Variants in ARSK observed in about 807,000 individuals in gnomAD.
ARSK encodes the protein arylsulfatase K.
Under a neutral mutation model 53.2 loss-of-function variants are expected in ARSK, and 37 were observed. The observed-to-expected ratio is 0.70, with a 90% confidence interval of 0.54 to 0.92. The LOEUF is 0.92. ARSK is among the 40% of genes least tolerant of loss of function. ARSK has a pLI of 0.00. For missense variants in ARSK, 613 were observed against 643.0 expected, an observed-to-expected ratio of 0.95 and a Z score of 0.51; for synonymous variants, 208 against 223.2, an observed-to-expected ratio of 0.93 and a Z score of 0.61.
chr5:95,586,351 A>G (rs1012912408), intron 4 of ARSK, among the ~76,000 whole-genome samples: 3 of 152,184 alleles, frequency 2.0e-5, no homozygotes, highest in Admixed American at 6.6e-5. Context: ...CATGATATAT[A>G]TACACATATT....
At chr5:95,600,113 T>C (rs1479947502) in intron 6 of ARSK, among the ~76,000 whole-genome samples, 1 of 152,224 alleles carries the variant, frequency 6.6e-6, no homozygotes, top group Non-Finnish European at 1.5e-5. Context: ...ACATTTCTCA[T>C]GCTGTTGTTC....
At chr5:95,574,828 G>A (rs370637203) in intron 3 of ARSK, among the ~76,000 whole-genome samples, 3 of 151,622 alleles carry the variant, frequency 2.0e-5, no homozygotes, top group Admixed American at 1.3e-4. Flanking sequence ...CCCCTTGTTG[G>A]GCAGAAGCTT....
chr5:95,558,086 CA>C (rs2112407521), intron 1 of ARSK, among the ~76,000 whole-genome samples: 1 of 152,278 alleles, frequency 6.6e-6, no homozygotes, highest in South Asian at 2.1e-4. Flanking sequence ...GGTATCTCAC[CA>C]AAAGGGACAG....
chr5:95,597,645 G>C (rs890243104), intron 6 of ARSK, among the ~76,000 whole-genome samples: 1 of 152,214 alleles, frequency 6.6e-6, no homozygotes, highest in Non-Finnish European at 1.5e-5. Flanking sequence ...TGTAATCCCA[G>C]CACTTTGGGA....
intron 3 of ARSK, among the ~76,000 whole-genome samples, chr5:95,568,547 T>C (rs1265786109): frequency 1.3e-5 from 2 of 152,240 alleles, no homozygotes; most frequent in African/African-American, 4.8e-5. Flanking sequence ...TGTTTACTAC[T>C]AGCATTGTAG....
intron 1 of ARSK, among the ~76,000 whole-genome samples, chr5:95,560,486 G>A (rs970626163): frequency 6.6e-6 from 1 of 152,040 alleles, no homozygotes; most frequent in Non-Finnish European, 1.5e-5. Context: ...ATTGGCTTAA[G>A]GATAGGTGAC....
rs1749467956 is a variant in ARSK, at chr5:95,604,513, C to G, written c.*987C>G. The G allele has an allele frequency of 6.6e-6, 1 of 152,014 alleles. No individual in the cohort carries two copies. The highest frequency in any genetic ancestry group is 6.6e-5 in the Admixed American group (1 of 15,264). The allele number at this position is 152,014 out of a possible 1,614,324, so 9.4% of individuals were successfully genotyped here. ...TACACAAACGGTAACATACTGCACA[C>G]ATTGTTCTGCATGTTGCTTCTTTTT... On this transcript the variant is annotated 3_prime_UTR_variant, in exon 8 of 8. Transcript: ENST00000380009.
Position 95,586,551 on chromosome 5 carries a change from C to T in ARSK, c.700-11C>T, listed in dbSNP as rs776006399. The T allele has an allele frequency of 6.3e-7, 1 of 1,598,560 alleles. No individual in the cohort carries two copies. Among genetic ancestry groups the T allele is most frequent in the East Asian group, 2.3e-5 (1 of 44,406 alleles). On this transcript the variant is annotated splice_polypyrimidine_tract_variant and intron_variant, in intron 4 of 7. Coordinates refer to ENST00000380009, the MANE Select transcript of ARSK (RefSeq NM_198150.3). ...TTGCTAGCATAACTAAGTTTTTTCT[C>T]CCCTTTTTAGGTGTCTCATGATGCC... is the stretch of plus-strand genomic sequence containing the variant.
chr5:95,567,101 A>G (rs1415388115), intron 2 of ARSK, among the ~76,000 whole-genome samples: 1 of 152,190 alleles, frequency 6.6e-6, no homozygotes, highest in Non-Finnish European at 1.5e-5. Context: ...ATTGCTGTGT[A>G]TACTGTGTAC....
At chr5:95,573,147 C>A (rs1748864494) in intron 3 of ARSK, among the ~76,000 whole-genome samples, 1 of 152,172 alleles carries the variant, frequency 6.6e-6, no homozygotes, top group Non-Finnish European at 1.5e-5. Context: ...GAATGTCACA[C>A]TTAAAATAAT....
chr5:95,596,952 G>T (rs1295831537), intron 6 of ARSK, among the ~76,000 whole-genome samples: 21 of 152,010 alleles, frequency 1.4e-4, no homozygotes, highest in African/African-American at 5.1e-4. Context: ...TCACTAGTGT[G>T]ATAGGATACT....
Position 95,583,074 on chromosome 5 carries a change from T to C in ARSK, c.575T>C (p.Ile192Thr). 1 of 1,613,770 alleles carries C rather than the reference T, an allele frequency of 6.2e-7. No individual in the cohort carries two copies. The highest frequency in any genetic ancestry group is 8.5e-7 in the Non-Finnish European group (1 of 1,179,718). Residue 192 changes from isoleucine to threonine, a missense_variant, in exon 4 of 8, where the codon ATT becomes ACT. Ile to Thr is a moderately conservative substitution (Grantham distance 89, BLOSUM62 -1). Transcript: ENST00000380009. Reference protein sequence around the residue: ...KAVNWLRKEAINYTEPFVIYL... With the variant: ...KAVNWLRKEATNYTEPFVIYL... The stretch of plus-strand genomic sequence containing the variant: ...GTAAACTGGTTAAGAAAGGAAGCAA[T>C]TAATTACACTGAACCATTTGTTATT...
chr5:95,589,051 C>T (rs1277937231), intron 5 of ARSK, among the ~76,000 whole-genome samples: 1 of 152,150 alleles, frequency 6.6e-6, no homozygotes, highest in African/African-American at 2.4e-5. Context: ...CCTGGAACAC[C>T]CTTCCCTTTG....
In ARSK at chr5:95,564,343, A is replaced by G. The variant is rs144367454; in HGVS notation, c.127-1655A>G. Among the ~76,000 whole-genome samples, 51 of 152,282 alleles carry G rather than the reference A, an allele frequency of 3.3e-4. 1 individual carries two copies. Among genetic ancestry groups the G allele is most frequent in the Middle Eastern group, 3.4e-3 (1 of 294 alleles). On this transcript the variant is annotated intron_variant, in intron 1 of 7. Transcript: ENST00000380009. ...GGAAATCAGTAGTTATTTGCTTAGC[A>G]TTCAATGATTACTCTTGCTAGAAGT...
At chr5:95,573,759 A>G (rs1390155252) in intron 3 of ARSK, among the ~76,000 whole-genome samples, 5 of 152,248 alleles carry the variant, frequency 3.3e-5, no homozygotes, top group African/African-American at 1.2e-4. Flanking sequence ...TAGTAAGTAT[A>G]TAGACTTAGG....
At chr5:95,593,342 T>A (rs1452503675) in intron 6 of ARSK, among the ~76,000 whole-genome samples, 1 of 152,220 alleles carries the variant, frequency 6.6e-6, no homozygotes, top group African/African-American at 2.4e-5. Context: ...GTTGCCATTT[T>A]ATCTATTTGA....
chr5:95,568,542 A>T (rs1297656009), intron 3 of ARSK, among the ~76,000 whole-genome samples: 1 of 152,196 alleles, frequency 6.6e-6, no homozygotes, highest in African/African-American at 2.4e-5. Flanking sequence ...GTTTCTGTTT[A>T]CTACTAGCAT....
chr5:95,559,161 C>G (rs1042697063), intron 1 of ARSK, among the ~76,000 whole-genome samples: 1 of 151,962 alleles, frequency 6.6e-6, no homozygotes, highest in Non-Finnish European at 1.5e-5. Flanking sequence ...AACAAAAAAA[C>G]AGTTCATGCC....
intron 3 of ARSK, among the ~76,000 whole-genome samples, chr5:95,568,298 TA>T (rs575910853): frequency 1.2e-3 from 183 of 152,350 alleles, no homozygotes; most frequent in African/African-American, 4.3e-3. Context: ...TAAACTCGTT[TA>T]GCCCACGCTT....
Sources: allele counts gnomAD v4.1 joint callset (sites outside exome capture counted in the v4.1 genomes callset), GRCh38; gene constraint gnomAD v4.1.1; transcripts MANE v1.5; gene names NCBI Gene and HGNC (gene_info 2026-07-23, HGNC 2026-07-21).